The following PIK3C3 variants were observed in gnomAD, a reference collection of about 807,000 sequenced individuals.
PIK3C3 encodes the protein phosphatidylinositol 3-kinase catalytic subunit type 3.
In PIK3C3, 95 loss-of-function variants were observed where a neutral mutation model predicts 126.1. The ratio of observed to expected loss-of-function variants is 0.75; its 90% CI spans 0.64 to 0.89. PIK3C3 has a LOEUF of 0.89. Ranked by LOEUF, PIK3C3 falls within the 40% of genes least tolerant of loss-of-function variation. PIK3C3 has a pLI of 0.00. For missense variants in PIK3C3, 829 were observed against 1,063.2 expected (o/e 0.78, Z 3.06); for synonymous variants, 374 against 360.0 (o/e 1.04, Z -0.44).
intron 13 of PIK3C3, among the ~76,000 whole-genome samples, chr18:42,023,249 TTTGA>T (rs1173762648): frequency 6.6e-6 from 1 of 152,222 alleles, no homozygotes. Flanking sequence ...ATTCTTTGTG[TTTGA>T]TTGAAGACTA....
chr18:42,021,099 G>A lies in PIK3C3; in HGVS notation c.1484+394G>A, dbSNP rs1983301283. ...AGTTGGAATTAAAAGTTACCTTATG[G>A]CATTTTAAACATGAGGAAACTGAGG... On this transcript the variant is annotated intron_variant, in intron 13 of 24. Coordinates refer to ENST00000262039, the MANE Select transcript of PIK3C3 (RefSeq NM_002647.4). Among the ~76,000 whole-genome samples the A allele has an allele frequency of 2.6e-5, 4 of 152,206 alleles. No individual in the cohort carries two copies. The South Asian group carries it at 8.3e-4, about 32-fold the overall frequency.
intron 15 of PIK3C3, 86 bp downstream of exon 15, chr18:42,029,527 T>A: frequency 3.4e-6 from 2 of 588,476 alleles, no homozygotes; most frequent in Middle Eastern, 4.2e-4. Context: ...TTTGGGTTGA[T>A]ACGTGAATTT....
Position 42,027,552 on chromosome 18 carries a change from AC to A in PIK3C3, c.1590+7del, listed in dbSNP as rs1232114177. 4.4e-6 allele frequency: 7 copies of A among 1,589,720 alleles called. No homozygotes were observed. The Middle Eastern group carries it at 5.0e-4, about 114-fold the overall frequency. On this transcript the variant is annotated splice_donor_5th_base_variant and intron_variant, in intron 14 of 24. Transcript: ENST00000262039. The stretch of plus-strand genomic sequence containing the variant: ...ATTCAGCCAAGCATTGTTGAAGGTA[AC>A]CCTTAAATGTGAGGGTTGGCAAACT...
At chr18:41,992,492 A>T (rs1369148084) in intron 6 of PIK3C3, among the ~76,000 whole-genome samples, 1 of 152,216 alleles carries the variant, frequency 6.6e-6, no homozygotes, top group Non-Finnish European at 1.5e-5. Flanking sequence ...AAATTGACAG[A>T]AAAGCTTGAT....
chr18:42,079,767 G>A (rs183788305), intron 24 of PIK3C3, among the ~76,000 whole-genome samples: 129 of 152,162 alleles, frequency 8.5e-4, no homozygotes, highest in African/African-American at 2.7e-3. Context: ...AGACTCCCTC[G>A]TATGTTAGTG....
At chr18:42,076,110 A>ATATATATATG (rs1568013495) in intron 24 of PIK3C3, among the ~76,000 whole-genome samples, 2,277 of 80,162 alleles carry the variant, frequency 0.028, 217 homozygotes, top group African/African-American at 0.11. Context: ...ATATATATAT[A>ATATATATATG]TATATATATA....
chr18:42,042,913 A>C (rs964328227), intron 19 of PIK3C3, among the ~76,000 whole-genome samples: 1 of 152,112 alleles, frequency 6.6e-6, no homozygotes, highest in African/African-American at 2.4e-5. Context: ...TGAATGTATA[A>C]AAATATATGT....
In PIK3C3 at chr18:42,020,627, A is replaced by C. The variant is rs745880890; in HGVS notation, c.1417-11A>C. 7 of 1,569,752 alleles carry C rather than the reference A, an allele frequency of 4.5e-6. No homozygotes were observed. In the South Asian group the frequency reaches 6.9e-5, roughly 16 times the overall value. ...TGATAATATATAATACATTTCTTTT[A>C]ATTCTTTCAGCAAGATCTCTGTACC... On this transcript the variant is annotated splice_polypyrimidine_tract_variant and intron_variant, in intron 12 of 24. Transcript: ENST00000262039.
At chr18:41,974,167 A>G (rs1022084610) in intron 4 of PIK3C3, among the ~76,000 whole-genome samples, 1 of 152,180 alleles carries the variant, frequency 6.6e-6, no homozygotes, top group African/African-American at 2.4e-5. Flanking sequence ...AAGATTAACT[A>G]TTTAATGGCC....
At chr18:41,990,872 A>C (rs779932715) in intron 6 of PIK3C3, among the ~76,000 whole-genome samples, 2 of 152,208 alleles carry the variant, frequency 1.3e-5, no homozygotes, top group Non-Finnish European at 2.9e-5. Context: ...TTATTTATTT[A>C]AAAAATGAAA....
chr18:42,044,191 A>T (rs1318121962), intron 20 of PIK3C3, among the ~76,000 whole-genome samples: 3 of 152,216 alleles, frequency 2.0e-5, no homozygotes, highest in Non-Finnish European at 2.9e-5. Context: ...AAGAGCTAAG[A>T]TAATGGTGCT....
intron 14 of PIK3C3, among the ~76,000 whole-genome samples, chr18:42,028,799 A>G (rs1400787277): frequency 2.0e-5 from 3 of 152,212 alleles, no homozygotes; most frequent in African/African-American, 4.8e-5. Context: ...ATTTTATAAT[A>G]TTTTATGAAC....
At chr18:41,970,704 C>A in intron 4 of PIK3C3, 1 of 592,510 alleles carries the variant, frequency 1.7e-6, no homozygotes. Context: ...TTTTTCATCA[C>A]CCCTAAAAGA....
chr18:42,002,744 A>G (rs1053669360), intron 9 of PIK3C3, among the ~76,000 whole-genome samples: 18 of 152,188 alleles, frequency 1.2e-4, no homozygotes, highest in African/African-American at 4.3e-4. Context: ...TGAGCTTCTA[A>G]GAGTTTGTAT....
At chr18:42,056,595 T>G (rs897138247) in intron 21 of PIK3C3, among the ~76,000 whole-genome samples, 11 of 152,172 alleles carry the variant, frequency 7.2e-5, no homozygotes, top group Non-Finnish European at 1.6e-4. Flanking sequence ...ATTGTGAGCT[T>G]CTTATTTCTT....
At chr18:42,044,169 T>C (rs1984454174) in intron 20 of PIK3C3, among the ~76,000 whole-genome samples, 1 of 152,200 alleles carries the variant, frequency 6.6e-6, no homozygotes. Flanking sequence ...GATTGTGCTT[T>C]AGATAAAGTT....
chr18:42,032,846 C>T (rs965463138), intron 15 of PIK3C3, among the ~76,000 whole-genome samples: 6 of 152,044 alleles, frequency 3.9e-5, no homozygotes, highest in African/African-American at 1.4e-4. Context: ...TTAACTTGAA[C>T]TTTTCATCAT....
At chr18:42,040,858 G>GT (rs1176857298) in intron 19 of PIK3C3, 117 bp downstream of exon 19, 41 of 685,968 alleles carry the variant, frequency 6.0e-5, no homozygotes, top group Middle Eastern at 3.1e-4. Flanking sequence ...CTTTCTTCAA[G>GT]TTTTTTTTCT....
chr18:41,972,866 C>T (rs1980736608), intron 4 of PIK3C3, among the ~76,000 whole-genome samples: 1 of 151,872 alleles, frequency 6.6e-6, no homozygotes, highest in Non-Finnish European at 1.5e-5. Flanking sequence ...TTGTATATCC[C>T]AGCTGCTATT....
Sources: allele counts gnomAD v4.1 joint callset (sites outside exome capture counted in the v4.1 genomes callset), GRCh38; gene constraint gnomAD v4.1.1; transcripts MANE v1.5; gene names NCBI Gene and HGNC (gene_info 2026-07-23, HGNC 2026-07-21).